RGS12: variants seen among roughly 807,000 people sequenced by gnomAD.
RGS12 encodes regulator of G protein signaling 12.
Under a neutral mutation model 120.1 loss-of-function variants are expected in RGS12, and 66 were observed. The observed-to-expected ratio is 0.55, with a 90% CI of 0.45 to 0.67. The LOEUF (loss-of-function observed/expected upper bound fraction) is 0.67, where lower values mean the gene tolerates loss of function less well. RGS12 is among the 30% of genes least tolerant of loss of function. The pLI, the probability that RGS12 is intolerant of heterozygous loss-of-function variation, is 0.00. For synonymous variants in RGS12, 827 were observed against 804.7 expected (o/e 1.03, Z -0.47); for missense variants, 1,859 against 1,957.7 (o/e 0.95, Z 0.95).
At chr4:3,309,896 G>A (rs1465832048) in intron 1 of RGS12, among the ~76,000 whole-genome samples, 18 of 134,332 alleles carry the variant, frequency 1.3e-4, no homozygotes, top group Admixed American at 2.9e-4. Context: ...TCCGCTGAGG[G>A]GAACCGTGCA....
intron 4 of RGS12, among the ~76,000 whole-genome samples, chr4:3,412,605 G>C (rs1025256650): frequency 1.3e-5 from 2 of 152,268 alleles, no homozygotes; most frequent in Admixed American, 6.5e-5. Context: ...GCCACAGGAG[G>C]CTGGTGAAGG....
At position 3,317,951 on chromosome 4, in the gene RGS12, C is replaced by T. The variant is rs143395145; in HGVS notation, c.1781C>T (p.Pro594Leu). The change falls in exon 2 of 18, where the codon CCG becomes CTG. Residue 594 changes from proline to leucine, a missense_variant. Pro to Leu is a moderately conservative substitution (Grantham distance 98). Transcript: ENST00000336727. ...GTGGAGGGCAGCTTCGCGCAGCCCCCGCTGAATGCCCCGAAGAGGGAGTGG... is the reference window on the plus strand; with the variant it reads ...GTGGAGGGCAGCTTCGCGCAGCCCCTGCTGAATGCCCCGAAGAGGGAGTGG... ...YRVEGSFAQP[P>L]LNAPKREWSR... is the part of the protein sequence containing the mutation. 9.9e-5 allele frequency: 160 copies of T among 1,614,190 alleles called. No homozygotes were observed. In the African/African-American group the frequency reaches 1.2e-3, roughly 12 times the overall value.
At chr4:3,349,795 CCTT>C (rs1485327994) in intron 3 of RGS12, among the ~76,000 whole-genome samples, 2 of 152,184 alleles carry the variant, frequency 1.3e-5, no homozygotes, top group African/African-American at 4.8e-5. Context: ...TATATTTAGT[CCTT>C]CTCTAAAATT....
At chr4:3,345,220 A>G (rs767126594) in intron 3 of RGS12, among the ~76,000 whole-genome samples, 1 of 152,176 alleles carries the variant, frequency 6.6e-6, no homozygotes, top group Non-Finnish European at 1.5e-5. Context: ...ATATTTTTGT[A>G]TGTGAGGCTG....
chr4:3,349,062 T>C (rs1293809413), intron 3 of RGS12, among the ~76,000 whole-genome samples: 4 of 152,220 alleles, frequency 2.6e-5, no homozygotes, highest in Non-Finnish European at 5.9e-5. Flanking sequence ...TCCTGCAGTT[T>C]TACTAATAGC....
intron 2 of RGS12, chr4:3,323,978 C>G (rs530135970): frequency 3.3e-5 from 5 of 152,334 alleles, no homozygotes; most frequent in African/African-American, 1.2e-4. Context: ...GTGTTCATTT[C>G]ACCCAGTTTA....
chr4:3,301,086 G>C (rs996648945), intron 1 of RGS12, among the ~76,000 whole-genome samples: 4 of 151,702 alleles, frequency 2.6e-5, no homozygotes, highest in African/African-American at 9.7e-5. Flanking sequence ...GTAACACGGG[G>C]TCTGTCCTGG....
intron 6 of RGS12, among the ~76,000 whole-genome samples, chr4:3,415,291 T>C (rs1327415007): frequency 1.2e-4 from 19 of 152,146 alleles, no homozygotes; most frequent in Admixed American, 1.1e-3. Flanking sequence ...ATAAAATATT[T>C]TCACATGGCT....
intron 3 of RGS12, among the ~76,000 whole-genome samples, chr4:3,355,770 G>A (rs1392225883): frequency 2.0e-5 from 3 of 146,590 alleles, no homozygotes; most frequent in Non-Finnish European, 4.5e-5. Context: ...ATTCTAGGCT[G>A]GGGGACAAAG....
intron 3 of RGS12, among the ~76,000 whole-genome samples, chr4:3,376,325 G>T (rs978224717): frequency 6.6e-6 from 1 of 151,278 alleles, no homozygotes; most frequent in Non-Finnish European, 1.5e-5. Context: ...CTGTGTCTCA[G>T]CCCCAGGTGT....
At position 3,433,811 on chromosome 4, in the gene RGS12, A is replaced by G. The variant is rs1724565819; in HGVS notation, c.4114+2856A>G. On this transcript the variant is annotated intron_variant, in intron 17 of 17. Coordinates refer to ENST00000336727, the MANE Select transcript of RGS12 (RefSeq NM_001394154.1). The surrounding 1 kb of genome is among the most constrained non-coding windows in gnomAD (Gnocchi z 4.4). ...AGCACCACGCACCGAGACCGAGACC[A>G]TGCACCATGCAGGCTGGCCGGTGCC... 6.6e-6 allele frequency among the ~76,000 whole-genome samples: 1 copy of G among 152,256 alleles called. No homozygotes were observed. The highest frequency in any genetic ancestry group is 2.1e-4 in the South Asian group (1 of 4,818).
chr4:3,390,601 G>A lies in RGS12; in HGVS notation c.2020+4164G>A, dbSNP rs905976319. On this transcript the variant is annotated intron_variant, in intron 4 of 17. Transcript: ENST00000336727. This position sits in a 1 kb window ranked among gnomAD's most constrained non-coding sequence, Gnocchi z 4.6. The stretch of plus-strand genomic sequence containing the variant: ...CTGGGCTGCTCTGCGCGCCTGCCAG[G>A]CTCTTCCAGTGCCTTCACCCAACAC... 6.6e-6 allele frequency among the ~76,000 whole-genome samples: 1 copy of A among 152,240 alleles called. No homozygotes were observed. Among genetic ancestry groups the A allele is most frequent in the Non-Finnish European group, 1.5e-5 (1 of 68,040 alleles).
At chr4:3,323,223 G>A (rs1362152166) in intron 2 of RGS12, among the ~76,000 whole-genome samples, 1 of 152,244 alleles carries the variant, frequency 6.6e-6, no homozygotes, top group Non-Finnish European at 1.5e-5. Flanking sequence ...CGCCTCGCTC[G>A]TGTTGGTGCA....
chr4:3,319,495 C>A (rs1015133523), intron 2 of RGS12, among the ~76,000 whole-genome samples: 2 of 152,136 alleles, frequency 1.3e-5, no homozygotes, highest in African/African-American at 4.8e-5. Flanking sequence ...GTGGCTCTAT[C>A]ATAGCTCACT....
intron 3 of RGS12, among the ~76,000 whole-genome samples, chr4:3,380,452 G>A (rs2108938525): frequency 6.6e-6 from 1 of 152,368 alleles, no homozygotes; most frequent in Admixed American, 6.5e-5. Flanking sequence ...TCCCAGTGGG[G>A]ACTCTGTGTG....
intron 3 of RGS12, among the ~76,000 whole-genome samples, chr4:3,347,304 C>A (rs1451954941): frequency 6.6e-6 from 1 of 151,930 alleles, no homozygotes. Context: ...ATTAGCCGGG[C>A]GTGGTGGTGG....
chr4:3,404,487 G>T (rs184727213), intron 4 of RGS12, among the ~76,000 whole-genome samples: 3 of 152,352 alleles, frequency 2.0e-5, no homozygotes, highest in African/African-American at 7.2e-5. Flanking sequence ...GTGTGGGTCA[G>T]TCGTTCTTAA....
At position 3,425,468 on chromosome 4, in the gene RGS12, G is replaced by T. The variant is rs1259545757; in HGVS notation, c.3239G>T (p.Gly1080Val). The change falls in exon 14 of 18, where the codon GGA becomes GTA. Residue 1080 changes from glycine (G) to valine (V), a missense_variant. Physicochemically the swap from Gly to Val is moderately radical, Grantham distance 109. Around this residue, in one of 3 missense-constraint regions of RGS12, gnomAD observed 517 missense variants for 488.5 expected, o/e 1.06. Coordinates refer to ENST00000336727, the MANE Select transcript of RGS12 (RefSeq NM_001394154.1). Reference sequence around the variant, plus strand: ...CAGTGCTGATCTCTGCCCTAGAGTGGAGAGAAGGAGCCCCTGGACCTTGGC... The same window carrying T: ...CAGTGCTGATCTCTGCCCTAGAGTGTAGAGAAGGAGCCCCTGGACCTTGGC... ...DLSGLLVRLS[G>V]EKEPLDLGAP... The T allele has an allele frequency of 3.1e-6, 5 of 1,611,566 alleles. No individual in the cohort carries two copies. Among genetic ancestry groups the T allele is most frequent in the Non-Finnish European group, 4.2e-6 (5 of 1,179,024 alleles).
At chr4:3,377,938 G>A (rs1445850106) in intron 3 of RGS12, among the ~76,000 whole-genome samples, 1 of 152,196 alleles carries the variant, frequency 6.6e-6, no homozygotes, top group Admixed American at 6.5e-5. Flanking sequence ...TTTAATTACG[G>A]TATATGTTTA....
Sources: gnomAD v4.1 joint callset for allele counts (sites outside exome capture counted in the v4.1 genomes callset) on GRCh38, gnomAD v4.1.1 for gene constraint, gnomAD v4.1.1 regional missense constraint, Gnocchi (gnomAD v3.1) non-coding constraint, MANE v1.5 for transcripts, NCBI Gene and HGNC (gene_info 2026-07-23, HGNC 2026-07-21) for gene names.